Variants in DNAJC6 observed in about 807,000 individuals in gnomAD.
The protein encoded by DNAJC6 is auxilin.
In DNAJC6, 34 loss-of-function variants were observed where a neutral mutation model predicts 110.0. The observed-to-expected ratio is 0.31, with a 90% CI of 0.24 to 0.41. The LOEUF (loss-of-function observed/expected upper bound fraction) is 0.41, where lower values mean the gene tolerates loss of function less well. Among genes scored for constraint, DNAJC6 ranks in the 10% least tolerant of loss-of-function variants. The pLI, the probability that DNAJC6 is intolerant of heterozygous loss-of-function variation, is 1.00. For missense variants in DNAJC6, 1,031 were observed against 1,207.8 expected (o/e 0.85, Z 2.17); for synonymous variants, 406 against 437.2 (o/e 0.93, Z 0.89).
intron 1 of DNAJC6, among the ~76,000 whole-genome samples, chr1:65,335,578 A>G (rs1645328594): frequency 6.6e-6 from 1 of 152,188 alleles, no homozygotes; most frequent in Non-Finnish European, 1.5e-5. Flanking sequence ...GGAGAAACCT[A>G]TAGGAAGTGA....
At chr1:65,264,754 C>G in exon 1 of DNAJC6, 1 of 1,453,442 alleles carries the variant, frequency 6.9e-7, no homozygotes, top group South Asian at 1.4e-5. Flanking sequence ...ATTATAACCC[C>G]GCACACCGAC....
intron 1 of DNAJC6, among the ~76,000 whole-genome samples, chr1:65,324,416 G>A (rs1034861324): frequency 6.6e-6 from 1 of 151,882 alleles, no homozygotes. Context: ...CTGGAGTGCA[G>A]TGGTGTGATC....
At chr1:65,292,198 A>G (rs1222037723) in intron 1 of DNAJC6, among the ~76,000 whole-genome samples, 4 of 151,878 alleles carry the variant, frequency 2.6e-5, no homozygotes, top group South Asian at 4.2e-4. Flanking sequence ...TTGTGTTTTT[A>G]GTAGAGACGG....
intron 1 of DNAJC6, among the ~76,000 whole-genome samples, chr1:65,350,691 A>G (rs1645482143): frequency 6.6e-6 from 1 of 152,156 alleles, no homozygotes; most frequent in Non-Finnish European, 1.5e-5. Flanking sequence ...TGTGGTTTTC[A>G]ACTTAGTCCT....
chr1:65,288,554 G>A (rs949382938), intron 1 of DNAJC6, among the ~76,000 whole-genome samples: 7 of 152,266 alleles, frequency 4.6e-5, no homozygotes, highest in East Asian at 1.9e-4. Flanking sequence ...ATTTGTAGGC[G>A]AAATTTTAAG....
chr1:65,331,306 AG>A (rs985572668), intron 1 of DNAJC6, among the ~76,000 whole-genome samples: 1 of 152,258 alleles, frequency 6.6e-6, no homozygotes, highest in Non-Finnish European at 1.5e-5. Context: ...ATTCTGTGAA[AG>A]ACTGAAAATC....
chr1:65,288,781 T>C (rs1169503302), intron 1 of DNAJC6, among the ~76,000 whole-genome samples: 1 of 152,220 alleles, frequency 6.6e-6, no homozygotes, highest in Non-Finnish European at 1.5e-5. Flanking sequence ...TAGTATATGA[T>C]CTTTTGCTCT....
intron 11 of DNAJC6, among the ~76,000 whole-genome samples, chr1:65,389,838 C>G (rs1645908761): frequency 6.6e-6 from 1 of 152,092 alleles, no homozygotes. Context: ...TAGTGAGACC[C>G]TATCTCAACA....
intron 1 of DNAJC6, among the ~76,000 whole-genome samples, chr1:65,302,109 TATATATATATATATAAAAA>T (rs1214466296): frequency 2.0e-3 from 109 of 54,372 alleles, no homozygotes; most frequent in South Asian, 0.016. Context: ...TAATATATAA[TATATATATATATATAAAAA>T]ATATATATAA....
chr1:65,309,112 T>G (rs76802585), upstream of DNAJC6, among the ~76,000 whole-genome samples: 8,808 of 152,194 alleles, frequency 0.058, 307 homozygotes, highest in Non-Finnish European at 0.079. Context: ...TAGGCTAAGT[T>G]GCATGAAATG....
In DNAJC6 at chr1:65,411,392, A is replaced by G. The variant is rs1259016672; in HGVS notation, c.2777A>G (p.Tyr926Cys). The G allele has an allele frequency of 6.2e-7, 1 of 1,614,126 alleles. No homozygotes were observed. Among genetic ancestry groups the G allele is most frequent in the Non-Finnish European group, 8.5e-7 (1 of 1,179,998 alleles). ...LVTPEQVKKVYRKAVLVVHPD... is the reference protein window; with the variant it reads ...LVTPEQVKKVCRKAVLVVHPD... ...ACACCAGAGCAGGTGAAGAAGGTGT[A>G]CAGGAAGGCTGTCCTGGTGGTGCAC... Residue 926 changes from tyrosine (Y) to cysteine (C), a missense_variant, in exon 18 of 19, where the codon TAC becomes TGC. Tyr to Cys is a radical substitution (Grantham distance 194). Coordinates refer to ENST00000371069, the MANE Select transcript of DNAJC6 (RefSeq NM_001256864.2).
upstream of DNAJC6, among the ~76,000 whole-genome samples, chr1:65,305,519 A>T (rs537043442): frequency 6.6e-6 from 1 of 152,336 alleles, no homozygotes; most frequent in East Asian, 1.9e-4. Context: ...TACAGCATAT[A>T]GTTTAAATCA....
At chr1:65,307,353 G>A (rs967588756), upstream of DNAJC6, among the ~76,000 whole-genome samples, 2 of 151,662 alleles carry the variant, frequency 1.3e-5, no homozygotes, top group African/African-American at 4.8e-5. Context: ...AATTCTTATA[G>A]CCCATTCAGA....
At chr1:65,316,999 T>C (rs910211191) in intron 1 of DNAJC6, among the ~76,000 whole-genome samples, 12 of 152,182 alleles carry the variant, frequency 7.9e-5, no homozygotes, top group Non-Finnish European at 1.3e-4. Flanking sequence ...TAGATGACTT[T>C]CATCTATAGA....
At chr1:65,271,884 A>G (rs77887416) in intron 1 of DNAJC6, among the ~76,000 whole-genome samples, 1 of 151,970 alleles carries the variant, frequency 6.6e-6, no homozygotes, top group Admixed American at 6.6e-5. Context: ...AAAAAAAAAA[A>G]AGAAAGAAAT....
chr1:65,389,270 C>T lies in DNAJC6; in HGVS notation c.1208C>T (p.Ala403Val). The T allele has an allele frequency of 6.2e-7, 1 of 1,613,888 alleles. No individual in the cohort carries two copies. The highest frequency in any genetic ancestry group is 8.5e-7 in the Non-Finnish European group (1 of 1,179,896). The change falls in exon 10 of 19, where the codon GCA becomes GTA. Residue 403 changes from alanine to valine, a missense_variant. By Grantham distance (64) the Ala-to-Val change is moderately conservative. Coordinates refer to ENST00000371069, the MANE Select transcript of DNAJC6 (RefSeq NM_001256864.2). Reference protein sequence around the residue: ...VLKFTKPELDACDVPEKYPQL... With the variant: ...VLKFTKPELDVCDVPEKYPQL... ...TCCCTATTTAGGCCTGAGTTAGATG[C>T]ATGTGATGTACCAGAAAAATATCCT... is the stretch of plus-strand genomic sequence containing the variant.
At chr1:65,337,390 C>A (rs1404896890) in intron 1 of DNAJC6, among the ~76,000 whole-genome samples, 1 of 151,010 alleles carries the variant, frequency 6.6e-6, no homozygotes, top group Non-Finnish European at 1.5e-5. Context: ...ATATAGCAAA[C>A]AAAGGAAAAA....
intron 1 of DNAJC6, among the ~76,000 whole-genome samples, chr1:65,354,129 G>A (rs1434840142): frequency 1.3e-5 from 2 of 152,162 alleles, no homozygotes; most frequent in African/African-American, 4.8e-5. Context: ...AAGTAATTGA[G>A]TTGAGGGGAG....
At chr1:65,350,208 ACT>A (rs1358229896) in intron 1 of DNAJC6, among the ~76,000 whole-genome samples, 2 of 151,836 alleles carry the variant, frequency 1.3e-5, no homozygotes, top group East Asian at 3.9e-4. Flanking sequence ...GGTCACTGAG[ACT>A]CTGTTTTTAA....
Sources: gnomAD v4.1 joint callset for allele counts (sites outside exome capture counted in the v4.1 genomes callset) on GRCh38, gnomAD v4.1.1 for gene constraint, MANE v1.5 for transcripts, NCBI Gene and HGNC (gene_info 2026-07-23, HGNC 2026-07-21) for gene names.